The following TAF4B variants were observed in gnomAD, a reference collection of about 807,000 sequenced individuals.
TAF4B encodes the protein transcription initiation factor TFIID subunit 4B.
Under a neutral mutation model 86.4 loss-of-function variants are expected in TAF4B, and 38 were observed. The ratio of observed to expected loss-of-function variants is 0.44; its 90% CI spans 0.34 to 0.58. The LOEUF (loss-of-function observed/expected upper bound fraction) is 0.58. TAF4B is among the 20% of genes least tolerant of loss of function. The pLI, the probability that TAF4B is intolerant of heterozygous loss-of-function variation, is 0.02. For synonymous variants in TAF4B, 388 were observed against 391.2 expected (o/e 0.99, Z 0.10); for missense variants, 988 against 1,027.6 (o/e 0.96, Z 0.53).
At chr18:26,284,584 G>C (rs1370100270) in intron 6 of TAF4B, among the ~76,000 whole-genome samples, 3 of 152,178 alleles carry the variant, frequency 2.0e-5, no homozygotes, top group African/African-American at 4.8e-5. Flanking sequence ...CTGACAGTCA[G>C]AAAGTATGCT....
chr18:26,329,424 T>C (rs1019316541), intron 12 of TAF4B, among the ~76,000 whole-genome samples: 6 of 152,238 alleles, frequency 3.9e-5, no homozygotes, highest in Non-Finnish European at 8.8e-5. Context: ...CTGAACATTT[T>C]CATATGTAAC....
chr18:26,321,125 A>G lies in TAF4B; in HGVS notation c.2058A>G (p.Gln686=), dbSNP rs766749561. Reference sequence around the variant, plus strand: ...CTGATGCTGTGAACTTGATCTCCCAAGCAACACAGGAACGACTACGAGGCC... The same window carrying G: ...CTGATGCTGTGAACTTGATCTCCCAGGCAACACAGGAACGACTACGAGGCC... ...LNSDAVNLIS[Q]ATQERLRGLL... Residue 686 remains glutamine, a synonymous_variant, in exon 11 of 15, where the codon CAA becomes CAG. Transcript: ENST00000269142. 6.8e-6 allele frequency: 11 copies of G among 1,613,802 alleles called. No homozygotes were observed. Among genetic ancestry groups the G allele is most frequent in the African/African-American group, 4.0e-5 (3 of 74,928 alleles).
At chr18:26,268,440 A>G (rs1330055986) in intron 3 of TAF4B, among the ~76,000 whole-genome samples, 3 of 152,154 alleles carry the variant, frequency 2.0e-5, no homozygotes, top group Admixed American at 6.5e-5. Flanking sequence ...GTGCCTTCCT[A>G]GATTCCCTTC....
intron 1 of TAF4B, chr18:26,256,289 G>A: frequency 1.4e-6 from 2 of 1,454,130 alleles, no homozygotes; most frequent in South Asian, 1.1e-5. Flanking sequence ...GAGAACTAGA[G>A]GACTTAGCTC....
chr18:26,328,765 G>A (rs888697270), intron 12 of TAF4B, among the ~76,000 whole-genome samples: 2 of 151,432 alleles, frequency 1.3e-5, no homozygotes, highest in African/African-American at 2.4e-5. Context: ...GACTACAGAC[G>A]CTCACCACCA....
chr18:26,348,428 G>A (rs1274118886), intron 13 of TAF4B: 3 of 152,928 alleles, frequency 2.0e-5, no homozygotes. Context: ...ATCTTTGAAA[G>A]GCATCTGAGA....
At position 26,290,487 on chromosome 18, in the gene TAF4B, G is replaced by A. The variant is rs114841863; in HGVS notation, c.1591-1759G>A. Among the ~76,000 whole-genome samples the A allele has an allele frequency of 9.4e-3, 1,427 of 152,200 alleles. 11 individuals carry two copies. Among genetic ancestry groups the A allele is most frequent in the African/African-American group, 0.032 (1,329 of 41,516 alleles). On this transcript the variant is annotated intron_variant, in intron 7 of 14. Transcript: ENST00000269142. ...GACTGCAAAGCTCAGTAACAAGGGCGACACCAGTCTGAGTTTAAATAGGCA... is the reference window on the plus strand; with the variant it reads ...GACTGCAAAGCTCAGTAACAAGGGCAACACCAGTCTGAGTTTAAATAGGCA...
chr18:26,324,460 A>G lies in TAF4B; in HGVS notation c.2134-2555A>G, dbSNP rs542341634. Among the ~76,000 whole-genome samples the G allele has an allele frequency of 1.4e-4, 22 of 152,326 alleles. No individual in the cohort carries two copies. In the East Asian group the frequency reaches 1.7e-3, roughly 12 times the overall value. On this transcript the variant is annotated intron_variant, in intron 11 of 14. Coordinates refer to ENST00000269142, the MANE Select transcript of TAF4B (RefSeq NM_005640.3). ...GTAGGCAGTTTCTGTATAAAACATA[A>G]TAAGTATAATTTACAATGGAATAGA...
chr18:26,350,179 C>T (rs548338562), intron 13 of TAF4B, among the ~76,000 whole-genome samples: 1 of 152,032 alleles, frequency 6.6e-6, no homozygotes, highest in East Asian at 1.9e-4. Context: ...ACGTCAAAAG[C>T]GCCTGTAACA....
At chr18:26,302,078 C>T (rs937273285) in intron 9 of TAF4B, among the ~76,000 whole-genome samples, 5 of 152,142 alleles carry the variant, frequency 3.3e-5, no homozygotes, top group African/African-American at 4.8e-5. Flanking sequence ...AGTTTCTTGT[C>T]CTCAAAACAA....
In TAF4B at chr18:26,292,364, CTAG is replaced by C; in HGVS notation, c.1711_1713del (p.Ser571del). On this transcript the variant is annotated inframe_deletion, in exon 8 of 15. Coordinates refer to ENST00000269142, the MANE Select transcript of TAF4B (RefSeq NM_005640.3). ...ATGCCAGTGAACACCATAATACCTA[CTAG>C]TCAGTTTCCTCCAGGTAGATGCTGG... The C allele has an allele frequency of 6.2e-7, 1 of 1,613,216 alleles. No homozygotes were observed. Among genetic ancestry groups the C allele is most frequent in the East Asian group, 2.2e-5 (1 of 44,828 alleles).
At chr18:26,367,629 A>G (rs928479290) in intron 14 of TAF4B, among the ~76,000 whole-genome samples, 5 of 152,168 alleles carry the variant, frequency 3.3e-5, no homozygotes, top group African/African-American at 4.8e-5. Flanking sequence ...CACAGAAACA[A>G]TGTTTTACCA....
At chr18:26,291,193 A>G (rs1161523632) in intron 7 of TAF4B, among the ~76,000 whole-genome samples, 3 of 152,176 alleles carry the variant, frequency 2.0e-5, no homozygotes, top group African/African-American at 7.2e-5. Flanking sequence ...TATATTTGCC[A>G]TATATGAGTG....
rs1317582625 is a variant in TAF4B, at chr18:26,286,404, G to A, written c.1495G>A (p.Val499Ile). The change falls in exon 7 of 15, where the codon GTT becomes ATT. Residue 499 changes from valine to isoleucine, a missense_variant. Val to Ile is a conservative substitution (Grantham distance 29). Around this residue, in one of 3 missense-constraint regions of TAF4B, gnomAD observed 747 missense variants for 737.9 expected, o/e 1.01. Transcript: ENST00000269142. Reference protein sequence around the residue: ...SSAGTTSDKPVIGTPVQIKLA... With the variant: ...SSAGTTSDKPIIGTPVQIKLA... ...TGCTGGGACCACATCTGACAAGCCT[G>A]TTATTGGGACTCCAGTTCAAATCAA... The A allele has an allele frequency of 1.9e-6, 3 of 1,614,194 alleles. No homozygotes were observed. The highest frequency in any genetic ancestry group is 2.5e-6 in the Non-Finnish European group (3 of 1,180,034).
At chr18:26,269,462 G>A (rs545311702) in intron 3 of TAF4B, among the ~76,000 whole-genome samples, 17 of 152,006 alleles carry the variant, frequency 1.1e-4, no homozygotes, top group African/African-American at 3.9e-4. Flanking sequence ...CCTAGTTTCC[G>A]AGTCAAGACA....
intron 1 of TAF4B, among the ~76,000 whole-genome samples, chr18:26,261,735 G>C (rs2056170576): frequency 6.6e-6 from 1 of 152,170 alleles, no homozygotes; most frequent in African/African-American, 2.4e-5. Context: ...ACCCAAGGAG[G>C]ACCCTTCTTA....
intron 12 of TAF4B, among the ~76,000 whole-genome samples, chr18:26,329,212 T>C (rs2144688928): frequency 6.6e-6 from 1 of 152,006 alleles, no homozygotes; most frequent in South Asian, 2.1e-4. Context: ...CACACACCAC[T>C]ACGCCTGGCT....
At chr18:26,286,809 G>T (rs1431339721) in intron 7 of TAF4B, among the ~76,000 whole-genome samples, 2 of 151,994 alleles carry the variant, frequency 1.3e-5, no homozygotes, top group East Asian at 3.9e-4. Flanking sequence ...TTACCCTCCT[G>T]AGTAGCTGGA....
At chr18:26,341,752 A>G (rs925101452) in intron 13 of TAF4B, among the ~76,000 whole-genome samples, 4 of 152,150 alleles carry the variant, frequency 2.6e-5, no homozygotes, top group African/African-American at 9.7e-5. Context: ...ACTGCTAATA[A>G]TTGTCTTTGA....
Sources: gnomAD v4.1 joint callset for allele counts (sites outside exome capture counted in the v4.1 genomes callset) on GRCh38, gnomAD v4.1.1 for gene constraint, gnomAD v4.1.1 regional missense constraint, MANE v1.5 for transcripts, NCBI Gene and HGNC (gene_info 2026-07-23, HGNC 2026-07-21) for gene names.